The following XRCC4 variants were observed in gnomAD, a reference collection of about 807,000 sequenced individuals.
XRCC4 encodes the protein X-ray repair cross complementing 4.
A neutral mutation model predicts 39.1 loss-of-function variants in XRCC4; 28 were observed. The observed-to-expected ratio is 0.72, with a 90% CI of 0.53 to 0.98. The LOEUF is 0.98. XRCC4 is among the 50% of genes least tolerant of loss of function. The pLI is 0.00. For synonymous variants in XRCC4, 123 were observed against 126.4 expected, an observed-to-expected ratio of 0.97 and a Z score of 0.18; for missense variants, 350 against 376.4, an observed-to-expected ratio of 0.93 and a Z score of 0.58.
intron 6 of XRCC4, among the ~76,000 whole-genome samples, chr5:83,245,227 T>A (rs1383159517): frequency 6.7e-6 from 1 of 148,208 alleles, no homozygotes; most frequent in Non-Finnish European, 1.5e-5. Context: ...GCAACAGGTG[T>A]TTTGGTTAAA....
Position 83,115,745 on chromosome 5 carries a change from T to G in XRCC4, c.315+4542T>G, listed in dbSNP as rs1439818925. Among the ~76,000 whole-genome samples, 3 of 152,326 alleles carry G rather than the reference T, an allele frequency of 2.0e-5. No homozygotes were observed. In the East Asian group the frequency reaches 5.8e-4, roughly 29 times the overall value. On this transcript the variant is annotated intron_variant, in intron 3 of 7. Coordinates refer to ENST00000396027, the MANE Select transcript of XRCC4 (RefSeq NM_003401.5). ...ATGTTCACAAGTAATGGAAGCAGCCTGAAAGATTACCAGCAATGCAAAAAG... is the reference window on the plus strand; with the variant it reads ...ATGTTCACAAGTAATGGAAGCAGCCGGAAAGATTACCAGCAATGCAAAAAG...
intron 3 of XRCC4, among the ~76,000 whole-genome samples, chr5:83,164,805 G>C (rs1336796479): frequency 1.3e-5 from 2 of 151,644 alleles, no homozygotes; most frequent in Non-Finnish European, 2.9e-5. Flanking sequence ...ATTAAGTAAG[G>C]GTACATCTGT....
At chr5:83,265,876 T>C (rs1753936661) in intron 7 of XRCC4, among the ~76,000 whole-genome samples, 1 of 151,760 alleles carries the variant, frequency 6.6e-6, no homozygotes, top group Non-Finnish European at 1.5e-5. Flanking sequence ...TATAACACCC[T>C]GGGAACAACC....
intron 3 of XRCC4, among the ~76,000 whole-genome samples, chr5:83,175,821 C>T (rs1477198693): frequency 6.6e-6 from 1 of 152,056 alleles, no homozygotes; most frequent in African/African-American, 2.4e-5. Flanking sequence ...GTTGGCCAGG[C>T]TGGTCTCGAA....
At chr5:83,299,987 G>A (rs301278) in intron 7 of XRCC4, among the ~76,000 whole-genome samples, 140,326 of 152,210 alleles carry the variant, frequency 0.92, 64,834 homozygotes, top group African/African-American at 0.98. Flanking sequence ...TACTTGTGGA[G>A]ATTCTTTGAG....
chr5:83,113,206 T>C (rs1746532908), intron 3 of XRCC4, among the ~76,000 whole-genome samples: 2 of 152,218 alleles, frequency 1.3e-5, no homozygotes, highest in African/African-American at 4.8e-5. Context: ...ACAGGCGCCA[T>C]GCAAGTTCGA....
intron 7 of XRCC4, among the ~76,000 whole-genome samples, chr5:83,321,132 C>T (rs1756059234): frequency 6.6e-6 from 1 of 152,074 alleles, no homozygotes; most frequent in Admixed American, 6.6e-5. Flanking sequence ...TGCTGTTGCA[C>T]ACTTAATAGG....
At chr5:83,290,667 A>C (rs971423760) in intron 7 of XRCC4, among the ~76,000 whole-genome samples, 6 of 151,842 alleles carry the variant, frequency 4.0e-5, no homozygotes, top group Admixed American at 3.3e-4. Flanking sequence ...TTAAGAGTTC[A>C]TGCAGCAATT....
chr5:83,257,558 G>A (rs904531934), intron 6 of XRCC4, among the ~76,000 whole-genome samples: 15 of 152,296 alleles, frequency 9.8e-5, no homozygotes, highest in African/African-American at 3.6e-4. Context: ...AGTGGATGTG[G>A]AGAAATAGGA....
At chr5:83,311,087 G>A (rs1196847991) in intron 7 of XRCC4, 1 of 220,576 alleles carries the variant, frequency 4.5e-6, no homozygotes, top group Non-Finnish European at 9.4e-6. Context: ...GTGGTAGTTT[G>A]TGGTAATTTA....
At position 83,276,229 on chromosome 5, in the gene XRCC4, G is replaced by C. The variant is rs28746471; in HGVS notation, c.893+17552G>C. Among the ~76,000 whole-genome samples the C allele has an allele frequency of 3.0e-3, 456 of 152,232 alleles. 4 individuals carry two copies. Among genetic ancestry groups the C allele is most frequent in the African/African-American group, 0.011 (439 of 41,560 alleles). ...AATAATAAAGTGTTGAATAACTCAT[G>C]TATTTTATTAAATACTGTACAGAAA... On this transcript the variant is annotated intron_variant, in intron 7 of 7. Transcript: ENST00000396027.
chr5:83,174,342 T>G (rs1451004894), intron 3 of XRCC4, among the ~76,000 whole-genome samples: 1 of 152,174 alleles, frequency 6.6e-6, no homozygotes, highest in East Asian at 1.9e-4. Flanking sequence ...CTTTAAAAAT[T>G]TTTTTTGAAG....
intron 7 of XRCC4, among the ~76,000 whole-genome samples, chr5:83,302,132 T>C (rs1755307476): frequency 6.6e-6 from 1 of 152,064 alleles, no homozygotes; most frequent in Non-Finnish European, 1.5e-5. Context: ...CAGTGGATCC[T>C]AGCTTGCTGG....
intron 1 of XRCC4, among the ~76,000 whole-genome samples, chr5:83,085,761 G>A (rs1374554018): frequency 6.6e-6 from 1 of 152,112 alleles, no homozygotes; most frequent in Non-Finnish European, 1.5e-5. Context: ...CTTCTTAAAT[G>A]GCAACATAGA....
chr5:83,094,341 C>T (rs1383979803), intron 1 of XRCC4, among the ~76,000 whole-genome samples: 5 of 123,414 alleles, frequency 4.1e-5, no homozygotes, highest in Admixed American at 1.6e-4. Context: ...CCCTTCCCTC[C>T]GCTCCCCTCT....
At chr5:83,202,947 G>A (rs1751270143) in intron 4 of XRCC4, among the ~76,000 whole-genome samples, 1 of 152,016 alleles carries the variant, frequency 6.6e-6, no homozygotes, top group Non-Finnish European at 1.5e-5. Flanking sequence ...GATATGTAGT[G>A]TTTTACATTT....
chr5:83,374,418 C>T, the XRCC4 span, among the ~76,000 whole-genome samples: 3 of 152,260 alleles, frequency 2.0e-5, no homozygotes, highest in African/African-American at 4.8e-5. Context: ...GATTGTGAGG[C>T]CTCCTCGGCC....
At chr5:83,170,447 T>A (rs574800851) in intron 3 of XRCC4, among the ~76,000 whole-genome samples, 4 of 152,114 alleles carry the variant, frequency 2.6e-5, no homozygotes, top group Non-Finnish European at 5.9e-5. Flanking sequence ...ATCAACTGGG[T>A]TCTCTGCTCA....
At chr5:83,133,429 C>T (rs6452519) in intron 3 of XRCC4, among the ~76,000 whole-genome samples, 73,666 of 152,004 alleles carry the variant, frequency 0.48, 18,828 homozygotes, top group African/African-American at 0.63. Flanking sequence ...CAGACAGGAA[C>T]GTTTAATTGT....
Sources: allele counts gnomAD v4.1 joint callset (sites outside exome capture counted in the v4.1 genomes callset), GRCh38; gene constraint gnomAD v4.1.1; transcripts MANE v1.5; gene names NCBI Gene and HGNC (gene_info 2026-07-23, HGNC 2026-07-21).